Variants in HMCN2 observed in about 807,000 individuals in gnomAD.
HMCN2 encodes the protein hemicentin 2, also known as hemicentin-2.
Under a neutral mutation model 377.5 loss-of-function variants are expected in HMCN2, and 325 were observed. The ratio of observed to expected loss-of-function variants is 0.86; its 90% CI spans 0.79 to 0.94. The LOEUF (loss-of-function observed/expected upper bound fraction) is 0.94, where lower values mean the gene tolerates loss of function less well. HMCN2 is among the 40% of genes least tolerant of loss of function. The pLI is 0.00. For missense variants in HMCN2, 4,543 were observed against 4,725.3 expected, an observed-to-expected ratio of 0.96 and a Z score of 1.13; for synonymous variants, 2,007 against 2,046.8, an observed-to-expected ratio of 0.98 and a Z score of 0.53.
At chr9:130,282,203 C>T (rs1005132701) in intron 1 of HMCN2, among the ~76,000 whole-genome samples, 3 of 152,220 alleles carry the variant, frequency 2.0e-5, no homozygotes, top group Non-Finnish European at 2.9e-5. Flanking sequence ...GGCACGCTCA[C>T]GTTAGCAGTG....
At chr9:130,415,537 G>T (rs1750271091) in intron 85 of HMCN2, among the ~76,000 whole-genome samples, 1 of 152,142 alleles carries the variant, frequency 6.6e-6, no homozygotes, top group South Asian at 2.1e-4. Flanking sequence ...ATGGGGTCTT[G>T]CTATGTTGCC....
chr9:130,423,547 G>A lies in HMCN2; in HGVS notation c.13381+821G>A, dbSNP rs916366207. 3.9e-5 allele frequency among the ~76,000 whole-genome samples: 6 copies of A among 152,230 alleles called. No homozygotes were observed. The highest frequency in any genetic ancestry group is 2.6e-4 in the Admixed American group (4 of 15,286). Reference sequence around the variant, plus strand: ...TGGAGAAGCATCTGGCCCCAAGCCCGTGGACCAGGCTTTGTTCCATGAAAC... The same window carrying A: ...TGGAGAAGCATCTGGCCCCAAGCCCATGGACCAGGCTTTGTTCCATGAAAC... On this transcript the variant is annotated intron_variant, in intron 87 of 97. Transcript: ENST00000683500. This position sits in a 1 kb window ranked among gnomAD's most constrained non-coding sequence, Gnocchi z 5.5.
chr9:130,337,580 G>A (rs993601148), intron 22 of HMCN2, among the ~76,000 whole-genome samples: 4 of 152,142 alleles, frequency 2.6e-5, no homozygotes, highest in Non-Finnish European at 5.9e-5. Context: ...TTTTACAGAT[G>A]AGGAAATGGA....
At chr9:130,275,593 G>C (rs568519278) in intron 1 of HMCN2, among the ~76,000 whole-genome samples, 1 of 152,114 alleles carries the variant, frequency 6.6e-6, no homozygotes, top group Non-Finnish European at 1.5e-5. Flanking sequence ...GGGATTACAG[G>C]TGCCTGCCAC....
rs1564846212 is a variant in HMCN2, at chr9:130,391,334, G to A, written c.9798G>A (p.Pro3266=). The A allele has an allele frequency of 1.1e-5, 11 of 987,542 alleles. No individual in the cohort carries two copies. The highest frequency in any genetic ancestry group is 4.7e-5 in the South Asian group (1 of 21,384). 61.2% of individuals were successfully genotyped at this position (987,542 alleles called of 1,614,324 possible). ...TGGCCTGGCTGAAGGACGGCAGCCCGCTGGGCCAGGACATGGGCCCCCACC... is the reference window on the plus strand; with the variant it reads ...TGGCCTGGCTGAAGGACGGCAGCCCACTGGGCCAGGACATGGGCCCCCACC... ...PDVAWLKDGS[P]LGQDMGPHLR... Residue 3266 remains proline, a synonymous_variant, in exon 64 of 98, where the codon CCG becomes CCA. Transcript: ENST00000683500.
chr9:130,385,665 C>A lies in HMCN2; in HGVS notation c.9212C>A (p.Pro3071Gln). 3.8e-6 allele frequency: 5 copies of A among 1,304,232 alleles called. No individual in the cohort carries two copies. The highest frequency in any genetic ancestry group is 5.1e-6 in the Non-Finnish European group (5 of 988,938). The allele number at this position is 1,304,232 out of a possible 1,614,324, so 80.8% of individuals were successfully genotyped here. A position where few individuals can be genotyped will look rare whatever the true frequency, so the allele number is the denominator to read the frequency against. Residue 3071 changes from proline (P) to glutamine (Q), a missense_variant, in exon 60 of 98, where the codon CCA (proline) becomes CAA (glutamine). Physicochemically the swap from Pro to Gln is moderately conservative, Grantham distance 76 (BLOSUM62 -1). Around this residue, in one of 5 missense-constraint regions of HMCN2, gnomAD observed 736 missense variants for 773.2 expected, o/e 0.95. Transcript: ENST00000683500. ...LSCETDALPE[P>Q]TVTWYKDGQP... is the part of the protein sequence containing the mutation. ...TGCGAGACAGATGCGCTCCCTGAGC[C>A]AACTGTGACCTGGTACAAGGATGGG...
intron 66 of HMCN2, among the ~76,000 whole-genome samples, chr9:130,392,886 C>T (rs1317574901): frequency 6.6e-6 from 1 of 152,056 alleles, no homozygotes; most frequent in Middle Eastern, 3.4e-3. Context: ...GTCCCAGCTA[C>T]TCGGGAGGCT....
chr9:130,370,574 C>T (rs1224963901), intron 45 of HMCN2, among the ~76,000 whole-genome samples: 1 of 152,232 alleles, frequency 6.6e-6, no homozygotes, highest in Non-Finnish European at 1.5e-5. Context: ...AGAACTGCAG[C>T]GTTGCCACTT....
At chr9:130,341,718 C>G (rs1839055628) in intron 24 of HMCN2, among the ~76,000 whole-genome samples, 1 of 152,202 alleles carries the variant, frequency 6.6e-6, no homozygotes, top group Non-Finnish European at 1.5e-5. Flanking sequence ...CAGGGCCATC[C>G]AGACAACCAT....
At chr9:130,349,480 A>G (rs1405870560) in intron 28 of HMCN2, 57 bp from the exon 29 acceptor site, 4 of 1,285,124 alleles carry the variant, frequency 3.1e-6, no homozygotes, top group Non-Finnish European at 4.1e-6. Flanking sequence ...GCCCCGTGGT[A>G]GGCGGGGCTT....
chr9:130,289,146 CT>C (rs1330543312), intron 4 of HMCN2, among the ~76,000 whole-genome samples: 1 of 152,108 alleles, frequency 6.6e-6, no homozygotes, highest in Non-Finnish European at 1.5e-5. Flanking sequence ...TCTTTTTTTC[CT>C]GGGAGAGCAC....
chr9:130,392,747 A>G (rs999931798), intron 66 of HMCN2, among the ~76,000 whole-genome samples: 2 of 150,426 alleles, frequency 1.3e-5, no homozygotes, highest in African/African-American at 2.5e-5. Flanking sequence ...CCTGTAATCC[A>G]GCACTTTGGG....
In HMCN2 at chr9:130,304,026, G is replaced by A. The variant is rs1037997359; in HGVS notation, c.1543+418G>A. On this transcript the variant is annotated intron_variant, in intron 10 of 97. Transcript: ENST00000683500. The surrounding 1 kb of genome is among the most constrained non-coding windows in gnomAD (Gnocchi z 4.3). ...AAATTGGCTTTATTTGAAAAATTACGAACGCAAGCTGCTTTGTAGAGAAAA... is the reference window on the plus strand; with the variant it reads ...AAATTGGCTTTATTTGAAAAATTACAAACGCAAGCTGCTTTGTAGAGAAAA... Among the ~76,000 whole-genome samples, 7 of 152,204 alleles carry A rather than the reference G, an allele frequency of 4.6e-5. No homozygotes were observed. The highest frequency in any genetic ancestry group is 1.0e-4 in the Non-Finnish European group (7 of 68,030).
chr9:130,321,228 G>A (rs1837835328), intron 18 of HMCN2, among the ~76,000 whole-genome samples: 2 of 152,104 alleles, frequency 1.3e-5, no homozygotes, highest in Non-Finnish European at 1.5e-5. Flanking sequence ...TGGTCTCCCC[G>A]GTTCTTATGA....
At position 130,310,069 on chromosome 9, in the gene HMCN2, T is replaced by C. The variant is rs1837151530; in HGVS notation, c.2350+8T>C. On this transcript the variant is annotated splice_region_variant and intron_variant, in intron 15 of 97. Coordinates refer to ENST00000683500, the MANE Select transcript of HMCN2 (RefSeq NM_001291815.2). ...TCCAGCTGGCGGTTGGACGTGAGTG[T>C]ATACCTTGTCTCCCCCTCCCCTGCC... 1 of 524,116 alleles carries C rather than the reference T, an allele frequency of 1.9e-6. No individual in the cohort carries two copies. The highest frequency in any genetic ancestry group is 1.4e-5 in the South Asian group (1 of 70,354). 32.5% of individuals were successfully genotyped at this position (524,116 alleles called of 1,614,324 possible).
At position 130,322,720 on chromosome 9, in the gene HMCN2, A is replaced by G. The variant is rs951489000; in HGVS notation, c.2920+789A>G. ...TAATGTGGATTAAGTTTTGCATCAC[A>G]GAGATTGTACGTTTTTGGAATTTTT... On this transcript the variant is annotated intron_variant, in intron 19 of 97. Transcript: ENST00000683500. Among the ~76,000 whole-genome samples, 12 of 152,164 alleles carry G rather than the reference A, an allele frequency of 7.9e-5. No homozygotes were observed. The East Asian group carries it at 2.1e-3, about 27-fold the overall frequency.
chr9:130,359,540 G>A (rs761974913), intron 37 of HMCN2, 126 bp downstream of exon 37: 45 of 377,998 alleles, frequency 1.2e-4, no homozygotes, highest in Admixed American at 6.7e-4. Flanking sequence ...TTTCCCCCCC[G>A]TTTCTCTCAT....
At chr9:130,397,432 G>A in intron 73 of HMCN2, 96 bp from the exon 74 acceptor site, 1 of 1,156,300 alleles carries the variant, frequency 8.6e-7, no homozygotes, top group Non-Finnish European at 1.1e-6. Context: ...CCTCTCACTG[G>A]GAAAGTGGGG....
rs758039773 is a variant in HMCN2 at position 130,429,595 on chromosome 9, T to C, written c.14236T>C (p.Tyr4746His). The C allele has an allele frequency of 2.3e-5, 36 of 1,550,250 alleles. No homozygotes were observed. The South Asian group carries it at 4.0e-4, about 17-fold the overall frequency. Residue 4746 changes from tyrosine to histidine, a missense_variant, in exon 94 of 98, where the codon TAC becomes CAC. Physicochemically the swap from Tyr to His is moderately conservative, Grantham distance 83. This residue lies in a region of HMCN2 where 1,155 missense variants were observed against 1,157.7 expected (regional missense o/e 1.00). Transcript: ENST00000683500. Reference protein sequence around the residue: ...ECLEGLDDCHYNQLCENTPGG... With the variant: ...ECLEGLDDCHHNQLCENTPGG... The stretch of plus-strand genomic sequence containing the variant: ...CCTGGAGGGGTTGGACGACTGTCAC[T>C]ACAACCAGCTCTGCGAGAACACCCC...
Sources: allele counts gnomAD v4.1 joint callset (sites outside exome capture counted in the v4.1 genomes callset), GRCh38; gene constraint gnomAD v4.1.1; regional missense constraint gnomAD v4.1.1; non-coding constraint Gnocchi (gnomAD v3.1); transcripts MANE v1.5; gene names NCBI Gene and HGNC (gene_info 2026-07-23, HGNC 2026-07-21).